Variants in EXPH5 observed in about 807,000 individuals in gnomAD.
EXPH5 encodes the protein exophilin 5, also known as exophilin-5.
Under a neutral mutation model 41.1 loss-of-function variants are expected in EXPH5, and 42 were observed. That is an observed-to-expected ratio of 1.02 (90% CI 0.80 to 1.32). The LOEUF (loss-of-function observed/expected upper bound fraction) is 1.32, where lower values mean the gene tolerates loss of function less well. EXPH5 is among the 40% of genes most tolerant of loss of function. The pLI is 0.00. For missense variants in EXPH5, 2,298 were observed against 2,314.5 expected, an observed-to-expected ratio of 0.99 and a Z score of 0.15; for synonymous variants, 798 against 833.5, an observed-to-expected ratio of 0.96 and a Z score of 0.73.
At chr11:108,527,852 C>T (rs564771019) in intron 4 of EXPH5, among the ~76,000 whole-genome samples, 46 of 152,186 alleles carry the variant, frequency 3.0e-4, no homozygotes, top group African/African-American at 1.1e-3. Flanking sequence ...CTGCCCAACA[C>T]CTCAGGGCTG....
chr11:108,567,109 G>C (rs911504039), intron 1 of EXPH5, among the ~76,000 whole-genome samples: 1 of 152,178 alleles, frequency 6.6e-6, no homozygotes, highest in African/African-American at 2.4e-5. Flanking sequence ...TTAAAAATTA[G>C]TGAACATTTA....
At chr11:108,517,094 G>A (rs769329007) in intron 5 of EXPH5, among the ~76,000 whole-genome samples, 1 of 151,948 alleles carries the variant, frequency 6.6e-6, no homozygotes, top group Non-Finnish European at 1.5e-5. Context: ...AAGTAAAATC[G>A]CCAGGAATTC....
intron 1 of EXPH5, among the ~76,000 whole-genome samples, chr11:108,592,989 C>T (rs1222545507): frequency 6.6e-6 from 1 of 152,228 alleles, no homozygotes; most frequent in African/African-American, 2.4e-5. Context: ...CTCTGTCGGA[C>T]CCGTGCGAGC....
At chr11:108,599,709 G>A in the EXPH5 span, among the ~76,000 whole-genome samples, 1 of 152,184 alleles carries the variant, frequency 6.6e-6, no homozygotes, top group Non-Finnish European at 1.5e-5. Context: ...CTGTTTAGAA[G>A]AAGTGCCCTT....
rs781000955 is a variant in EXPH5 at position 108,510,199 on chromosome 11, G to A, written c.5308C>T (p.Leu1770=). The A allele has an allele frequency of 3.7e-6, 6 of 1,614,114 alleles. No individual in the cohort carries two copies. The highest frequency in any genetic ancestry group is 2.7e-5 in the African/African-American group (2 of 75,050). Residue 1770 remains leucine, a synonymous_variant, in exon 6 of 6, where the codon CTG becomes TTG. Transcript: ENST00000265843. ...PAQKSRVSSP[L]ASFLQQQRSA... Reference sequence around the variant, plus strand: ...CTTTGTTGCTGCAGAAAACTGGCCAGTGGACTGCTTACTCTAGATTTCTGT... The same window carrying A: ...CTTTGTTGCTGCAGAAAACTGGCCAATGGACTGCTTACTCTAGATTTCTGT...
intron 1 of EXPH5, among the ~76,000 whole-genome samples, chr11:108,564,001 T>C (rs917784567): frequency 6.6e-6 from 1 of 152,108 alleles, no homozygotes; most frequent in Non-Finnish European, 1.5e-5. Context: ...AGGAGACGGC[T>C]GCACACGGTG....
chr11:108,510,433 A>G lies in EXPH5; in HGVS notation c.5074T>C (p.Ser1692Pro), dbSNP rs2093670756. Residue 1692 changes from serine to proline, a missense_variant, in exon 6 of 6, where the codon TCT (serine) becomes CCT (proline). Ser to Pro is a moderately conservative substitution (Grantham distance 74, BLOSUM62 -1). Transcript: ENST00000265843. Reference sequence around the variant, plus strand: ...TGATGTCGTTGTGAAATGCTGTTAGACTTCTGGTTGCTGACGTGTGTAGAA... The same window carrying G: ...TGATGTCGTTGTGAAATGCTGTTAGGCTTCTGGTTGCTGACGTGTGTAGAA... ...EPSTHVSNQK[S>P]NSISQRHQNE... 6.2e-7 allele frequency: 1 copy of G among 1,613,818 alleles called. No individual in the cohort carries two copies. The highest frequency in any genetic ancestry group is 1.3e-5 in the African/African-American group (1 of 74,880).
chr11:108,578,477 G>C (rs2094086979), intron 1 of EXPH5, among the ~76,000 whole-genome samples: 1 of 152,170 alleles, frequency 6.6e-6, no homozygotes, highest in Admixed American at 6.5e-5. Flanking sequence ...GATGACTTCA[G>C]CTTTGCTCTT....
In EXPH5 at chr11:108,526,652, G is replaced by A. The variant is rs116411589; in HGVS notation, c.492+1484C>T. Among the ~76,000 whole-genome samples, 1,019 of 152,278 alleles carry A rather than the reference G, an allele frequency of 6.7e-3. 9 individuals are homozygous for A. The highest frequency in any genetic ancestry group is 0.023 in the African/African-American group (965 of 41,558). The stretch of plus-strand genomic sequence containing the variant: ...TTAAAGCAGAGTCTCCGCAGGTGGC[G>A]AGCAACTGGGGTCCATGTGCAAACA... On this transcript the variant is annotated intron_variant, in intron 4 of 5. Transcript: ENST00000265843.
the EXPH5 span, among the ~76,000 whole-genome samples, chr11:108,606,430 A>T: frequency 6.6e-6 from 1 of 152,108 alleles, no homozygotes; most frequent in African/African-American, 2.4e-5. Context: ...TACTTCCCTT[A>T]CAAAGCCCTC....
At chr11:108,567,523 C>T (rs1047127111) in intron 1 of EXPH5, among the ~76,000 whole-genome samples, 2 of 152,148 alleles carry the variant, frequency 1.3e-5, no homozygotes, top group Admixed American at 1.3e-4. Context: ...CTTAGTCATG[C>T]GTAGCCTTAT....
At chr11:108,586,431 C>T (rs1442275314) in intron 1 of EXPH5, among the ~76,000 whole-genome samples, 66 of 145,452 alleles carry the variant, frequency 4.5e-4, no homozygotes, top group Admixed American at 7.6e-4. Context: ...TCCCTGATCC[C>T]CTTTCCTCCC....
the EXPH5 span, among the ~76,000 whole-genome samples, chr11:108,603,684 A>G: frequency 7.2e-5 from 11 of 152,242 alleles, no homozygotes; most frequent in African/African-American, 2.7e-4. Context: ...GTTTAAGTTT[A>G]GTAGGACAGC....
At chr11:108,606,898 T>C in the EXPH5 span, among the ~76,000 whole-genome samples, 1 of 152,212 alleles carries the variant, frequency 6.6e-6, no homozygotes, top group Non-Finnish European at 1.5e-5. Context: ...TTGTAAACCA[T>C]TGAGAACATT....
At chr11:108,523,658 G>A (rs1191243468) in intron 4 of EXPH5, among the ~76,000 whole-genome samples, 4 of 152,294 alleles carry the variant, frequency 2.6e-5, no homozygotes, top group African/African-American at 9.6e-5. Context: ...GATTGCTTGA[G>A]CTCCAGAGTT....
chr11:108,511,494 C>T lies in EXPH5; in HGVS notation c.4013G>A (p.Gly1338Glu). 6.3e-7 allele frequency: 1 copy of T among 1,589,504 alleles called. No individual in the cohort carries two copies. Among genetic ancestry groups the T allele is most frequent in the Non-Finnish European group, 8.5e-7 (1 of 1,171,148 alleles). The change falls in exon 6 of 6, where the codon GGG becomes GAG. Residue 1338 changes from glycine to glutamate, a missense_variant. By Grantham distance (98) the Gly-to-Glu change is moderately conservative. Coordinates refer to ENST00000265843, the MANE Select transcript of EXPH5 (RefSeq NM_015065.3). ...NMTAFRLSNR[G>E]PLAPTLQEMA... The stretch of plus-strand genomic sequence containing the variant: ...TTCCTGTAATGTAGGAGCTAGGGGC[C>T]CCCTATTTGATAATCGGAAGGCAGT...
At chr11:108,523,068 G>T (rs1254603958) in intron 4 of EXPH5, among the ~76,000 whole-genome samples, 3 of 151,872 alleles carry the variant, frequency 2.0e-5, no homozygotes, top group African/African-American at 7.3e-5. Context: ...TGTAGAAATG[G>T]GTTTGCTATG....
intron 1 of EXPH5, among the ~76,000 whole-genome samples, chr11:108,562,465 T>C (rs1400031619): frequency 6.6e-6 from 1 of 151,534 alleles, no homozygotes; most frequent in Non-Finnish European, 1.5e-5. Flanking sequence ...AAAAATTAGC[T>C]GGGTATGCTG....
chr11:108,532,820 T>C (rs964604357), intron 3 of EXPH5, among the ~76,000 whole-genome samples: 3 of 152,196 alleles, frequency 2.0e-5, no homozygotes, highest in Admixed American at 6.5e-5. Flanking sequence ...GACTATCTCA[T>C]ACTTGAAGAA....
Sources: gnomAD v4.1 joint callset for allele counts (sites outside exome capture counted in the v4.1 genomes callset) on GRCh38, gnomAD v4.1.1 for gene constraint, MANE v1.5 for transcripts, NCBI Gene and HGNC (gene_info 2026-07-23, HGNC 2026-07-21) for gene names.